Variants in RARB observed in about 807,000 individuals in gnomAD.
RARB encodes retinoic acid receptor beta.
RARB carries 17 observed loss-of-function variants against 51.9 expected under a neutral mutation model. The observed-to-expected ratio is 0.33, with a 90% CI of 0.22 to 0.49. The LOEUF (loss-of-function observed/expected upper bound fraction) is 0.49, where lower values mean the gene tolerates loss of function less well. RARB is among the 20% of genes least tolerant of loss of function. The pLI is 0.99. For missense variants in RARB, 369 were observed against 550.8 expected, an observed-to-expected ratio of 0.67 and a Z score of 3.30; for synonymous variants, 215 against 195.4, an observed-to-expected ratio of 1.10 and a Z score of -0.84.
intron 2 of RARB, among the ~76,000 whole-genome samples, chr3:24,869,859 A>G (rs1378622904): frequency 6.6e-6 from 1 of 152,106 alleles, no homozygotes; most frequent in African/African-American, 2.4e-5. Flanking sequence ...GTGCAAGCTG[A>G]AACAATAGAT....
intron 3 of RARB, among the ~76,000 whole-genome samples, chr3:25,061,430 C>A (rs1475732987): frequency 6.6e-6 from 1 of 151,706 alleles, no homozygotes; most frequent in Non-Finnish European, 1.5e-5. Context: ...TATTTTAAAA[C>A]AGAATTTCTA....
At chr3:24,926,157 G>T (rs202099678) in intron 2 of RARB, among the ~76,000 whole-genome samples, 30 of 152,190 alleles carry the variant, frequency 2.0e-4, no homozygotes, top group African/African-American at 7.0e-4. Flanking sequence ...GCGGAGTTTT[G>T]TTTGACCAAA....
At chr3:25,499,630 A>T (rs972377768) in intron 2 of RARB, among the ~76,000 whole-genome samples, 17 of 147,674 alleles carry the variant, frequency 1.2e-4, no homozygotes, top group African/African-American at 3.6e-4. Flanking sequence ...ATTTTCAAAA[A>T]GTTAAAAAGC....
At chr3:24,972,068 G>A (rs1024071364) in intron 2 of RARB, among the ~76,000 whole-genome samples, 2 of 151,682 alleles carry the variant, frequency 1.3e-5, no homozygotes, top group African/African-American at 2.4e-5. Context: ...TTCAGCCTAT[G>A]GATCTATTGA....
chr3:24,943,447 C>T lies in RARB; in HGVS notation c.-380+84695C>T, dbSNP rs376769374. On this transcript the variant is annotated intron_variant, in intron 2 of 11. Transcript: ENST00000383772. Reference sequence around the variant, plus strand: ...TCTAACGGCATGCTAAAAAAGATTCCAAATCTCCAATGTTGATTGTGGGCC... The same window carrying T: ...TCTAACGGCATGCTAAAAAAGATTCTAAATCTCCAATGTTGATTGTGGGCC... Among the ~76,000 whole-genome samples the T allele has an allele frequency of 3.3e-5, 5 of 152,128 alleles. No individual in the cohort carries two copies. In the South Asian group the frequency reaches 1.0e-3, roughly 32 times the overall value.
At chr3:25,007,605 C>CAAAAAAAAAAAAA (rs1279154112) in intron 2 of RARB, among the ~76,000 whole-genome samples, 2 of 60,640 alleles carry the variant, frequency 3.3e-5, no homozygotes, top group African/African-American at 5.8e-5. Context: ...AAAAAAAAAA[C>CAAAAAAAAAAAAA]AAAAAAACCT....
intron 2 of RARB, among the ~76,000 whole-genome samples, chr3:25,483,533 T>C (rs1050910445): frequency 2.0e-5 from 3 of 150,482 alleles, no homozygotes; most frequent in Non-Finnish European, 4.4e-5. Context: ...TCTTCTTTTT[T>C]TTTTTTTTTT....
chr3:25,475,955 A>C (rs542167604), intron 2 of RARB, among the ~76,000 whole-genome samples: 1 of 152,196 alleles, frequency 6.6e-6, no homozygotes, highest in Admixed American at 6.5e-5. Flanking sequence ...CACTCACACC[A>C]TGTGTCCATT....
intron 3 of RARB, among the ~76,000 whole-genome samples, chr3:25,552,184 C>A (rs776108592): frequency 2.6e-5 from 4 of 152,076 alleles, no homozygotes; most frequent in Admixed American, 6.6e-5. Flanking sequence ...AATGGCAGTT[C>A]CTGGAGCTGA....
intron 5 of RARB, among the ~76,000 whole-genome samples, chr3:25,271,226 A>G (rs918670349): frequency 1.3e-5 from 2 of 152,200 alleles, no homozygotes; most frequent in African/African-American, 4.8e-5. Flanking sequence ...ACTGTCAGGT[A>G]TTTAAGAATG....
chr3:25,339,581 G>GTTTT (rs34570809), intron 5 of RARB, among the ~76,000 whole-genome samples: 1 of 143,810 alleles, frequency 7.0e-6, no homozygotes. Context: ...TTCAGCTGAA[G>GTTTT]TTTTTTTTTT....
At position 25,436,093 on chromosome 3, in the gene RARB, G is replaced by A. The variant is rs566570484; in HGVS notation, c.157+7205G>A. 5.9e-5 allele frequency among the ~76,000 whole-genome samples: 9 copies of A among 152,232 alleles called. No individual in the cohort carries two copies. In the South Asian group the frequency reaches 6.2e-4, roughly 11 times the overall value. On this transcript the variant is annotated intron_variant, in intron 1 of 7. Transcript: ENST00000330688. Reference sequence around the variant, plus strand: ...CGCTTCATCTTTTTGGATTAAGATCGTCAGGGGTTTCATATGCTTTTTTAT... The same window carrying A: ...CGCTTCATCTTTTTGGATTAAGATCATCAGGGGTTTCATATGCTTTTTTAT...
intron 5 of RARB, among the ~76,000 whole-genome samples, chr3:25,261,548 G>T (rs1024207417): frequency 6.6e-6 from 1 of 152,030 alleles, no homozygotes; most frequent in Non-Finnish European, 1.5e-5. Flanking sequence ...GCTGGTAGAG[G>T]TTGCTCATTT....
intron 3 of RARB, among the ~76,000 whole-genome samples, chr3:25,085,068 T>C (rs536502412): frequency 1.3e-5 from 2 of 152,246 alleles, no homozygotes; most frequent in East Asian, 3.9e-4. Flanking sequence ...GATCCATTAT[T>C]TTGAAGACAG....
intron 4 of RARB, among the ~76,000 whole-genome samples, chr3:25,570,616 T>A (rs1226978723): frequency 6.6e-6 from 1 of 152,224 alleles, no homozygotes; most frequent in East Asian, 1.9e-4. Flanking sequence ...GAGGTGTATG[T>A]TGGCTGGTCT....
intron 5 of RARB, among the ~76,000 whole-genome samples, chr3:25,270,177 A>G (rs908855564): frequency 6.6e-5 from 10 of 152,184 alleles, no homozygotes; most frequent in Non-Finnish European, 8.8e-5. Flanking sequence ...ACTCAAACAG[A>G]TATTTTTACA....
chr3:25,508,986 G>A (rs1471469526), intron 3 of RARB, among the ~76,000 whole-genome samples: 1 of 152,040 alleles, frequency 6.6e-6, no homozygotes, highest in African/African-American at 2.4e-5. Context: ...AGACTGAAAA[G>A]GAAGTATTAA....
At chr3:25,353,204 TGGTAA>T (rs1705629314) in intron 5 of RARB, among the ~76,000 whole-genome samples, 2 of 152,284 alleles carry the variant, frequency 1.3e-5, no homozygotes, top group South Asian at 4.1e-4. Flanking sequence ...CCTCTTTCAA[TGGTAA>T]GTGGTGATTA....
chr3:25,527,325 C>T (rs1698698775), intron 3 of RARB, among the ~76,000 whole-genome samples: 1 of 152,230 alleles, frequency 6.6e-6, no homozygotes, highest in African/African-American at 2.4e-5. Flanking sequence ...CATGTAAACC[C>T]AGCAGTGGGC....
Sources: gnomAD v4.1 joint callset for allele counts (sites outside exome capture counted in the v4.1 genomes callset) on GRCh38, gnomAD v4.1.1 for gene constraint, MANE v1.5 for transcripts, NCBI Gene and HGNC (gene_info 2026-07-23, HGNC 2026-07-21) for gene names.